The following PTPRT variants were observed in gnomAD, a reference collection of about 807,000 sequenced individuals.
The protein encoded by PTPRT is receptor-type tyrosine-protein phosphatase T.
PTPRT carries 56 observed loss-of-function variants against 176.8 expected under a neutral mutation model. The observed-to-expected ratio is 0.32, with a 90% confidence interval of 0.26 to 0.40. The LOEUF is 0.40. Among genes scored for constraint, PTPRT ranks in the 10% least tolerant of loss-of-function variants. PTPRT has a pLI of 1.00. For synonymous variants in PTPRT, 783 were observed against 739.0 expected (o/e 1.06, Z -0.96); for missense variants, 1,540 against 1,908.2 (o/e 0.81, Z 3.60).
intron 2 of PTPRT, among the ~76,000 whole-genome samples, chr20:42,854,919 T>C (rs2078535488): frequency 6.6e-6 from 1 of 152,220 alleles, no homozygotes. Context: ...AATCATCTTC[T>C]AAAAACCTAA....
rs1982814162 is a variant in PTPRT at position 42,076,777 on chromosome 20, G to C, written c.*4102C>G. 1 of 201,294 alleles carries C rather than the reference G, an allele frequency of 5.0e-6. No individual in the cohort carries two copies. The highest frequency in any genetic ancestry group is 1.0e-5 in the Non-Finnish European group (1 of 97,970). The allele number at this position is 201,294 out of a possible 1,614,324, so 12.5% of individuals were successfully genotyped here. The stretch of plus-strand genomic sequence containing the variant: ...CATAGAGTCATATTAAAACCAACAA[G>C]GCTAAATCAGAAAGTGGAATGCAAA... On this transcript the variant is annotated 3_prime_UTR_variant, in exon 31 of 31. Transcript: ENST00000373187.
At chr20:43,009,264 T>C (rs1010016768) in intron 1 of PTPRT, among the ~76,000 whole-genome samples, 3 of 152,184 alleles carry the variant, frequency 2.0e-5, no homozygotes, top group African/African-American at 7.2e-5. Flanking sequence ...TATTCAATCA[T>C]TTACCCACTC....
intron 5 of PTPRT, among the ~76,000 whole-genome samples, chr20:42,770,797 G>A (rs563565297): frequency 3.7e-4 from 56 of 152,240 alleles, no homozygotes; most frequent in African/African-American, 1.3e-3. Context: ...AAAAGACAAA[G>A]TTTGTTAGAG....
intron 9 of PTPRT, among the ~76,000 whole-genome samples, chr20:42,428,880 G>A (rs1197391711): frequency 6.6e-6 from 1 of 152,114 alleles, no homozygotes; most frequent in East Asian, 1.9e-4. Context: ...GCCAAGGCTA[G>A]ATCCAGACCT....
At chr20:43,184,366 T>G (rs978650101) in intron 1 of PTPRT, among the ~76,000 whole-genome samples, 7 of 152,154 alleles carry the variant, frequency 4.6e-5, no homozygotes, top group Non-Finnish European at 1.0e-4. Flanking sequence ...AAGGACTAAC[T>G]GAAATAATGC....
chr20:42,350,003 C>T (rs182773452), intron 11 of PTPRT, among the ~76,000 whole-genome samples: 1 of 152,248 alleles, frequency 6.6e-6, no homozygotes, highest in East Asian at 1.9e-4. Context: ...GACCAGTCCC[C>T]AGGTCTTGTC....
chr20:42,191,241 A>G (rs1990990579), intron 16 of PTPRT, among the ~76,000 whole-genome samples: 1 of 152,008 alleles, frequency 6.6e-6, no homozygotes, highest in South Asian at 2.1e-4. Flanking sequence ...AACAGAACAG[A>G]CAAAATGTAA....
At chr20:42,910,745 A>G (rs1333941428) in intron 1 of PTPRT, among the ~76,000 whole-genome samples, 2 of 152,202 alleles carry the variant, frequency 1.3e-5, no homozygotes, top group Non-Finnish European at 2.9e-5. Flanking sequence ...GGAACACAAA[A>G]TCTTCTTTGA....
At chr20:42,295,067 T>A (rs1434100109) in intron 12 of PTPRT, among the ~76,000 whole-genome samples, 3 of 152,062 alleles carry the variant, frequency 2.0e-5, no homozygotes, top group Non-Finnish European at 4.4e-5. Context: ...TTTATGACAA[T>A]AACCCAAGAA....
chr20:42,558,997 T>C (rs1446372637), intron 7 of PTPRT, among the ~76,000 whole-genome samples: 2 of 152,186 alleles, frequency 1.3e-5, no homozygotes, highest in African/African-American at 4.8e-5. Context: ...GTGTGAGTTT[T>C]CTGGGTGAAC....
chr20:43,136,993 A>G (rs1281769375), intron 1 of PTPRT, among the ~76,000 whole-genome samples: 1 of 152,174 alleles, frequency 6.6e-6, no homozygotes, highest in Non-Finnish European at 1.5e-5. Flanking sequence ...AGTGTTTGGC[A>G]GGAGAACTAA....
chr20:42,981,672 A>T (rs1390596911), intron 1 of PTPRT, among the ~76,000 whole-genome samples: 1 of 152,216 alleles, frequency 6.6e-6, no homozygotes, highest in African/African-American at 2.4e-5. Context: ...CACATGAGAG[A>T]ACCCAGCAGA....
intron 2 of PTPRT, among the ~76,000 whole-genome samples, chr20:42,850,238 A>G (rs1437837141): frequency 6.6e-6 from 1 of 152,216 alleles, no homozygotes; most frequent in African/African-American, 2.4e-5. Context: ...TTGAACCTGT[A>G]TAGTGTAGGC....
At chr20:42,597,253 C>T (rs1412149895) in intron 7 of PTPRT, among the ~76,000 whole-genome samples, 1 of 152,150 alleles carries the variant, frequency 6.6e-6, no homozygotes, top group Non-Finnish European at 1.5e-5. Flanking sequence ...TAGGTCAGGA[C>T]CACTCAAAAT....
At chr20:42,190,025 A>T (rs1227147553) in intron 16 of PTPRT, among the ~76,000 whole-genome samples, 1 of 152,204 alleles carries the variant, frequency 6.6e-6, no homozygotes, top group East Asian at 1.9e-4. Context: ...GTTGCCAGGA[A>T]CTTAATAAGT....
intron 2 of PTPRT, among the ~76,000 whole-genome samples, chr20:42,874,659 T>C (rs1284373956): frequency 1.3e-5 from 2 of 152,232 alleles, no homozygotes; most frequent in Admixed American, 6.5e-5. Flanking sequence ...CTCCATTTAC[T>C]GTAACTCACT....
At chr20:42,348,475 T>C (rs922709120) in intron 11 of PTPRT, among the ~76,000 whole-genome samples, 7 of 152,066 alleles carry the variant, frequency 4.6e-5, no homozygotes, top group East Asian at 1.9e-4. Context: ...TATAGTAAAA[T>C]GAGTGTTGGC....
At chr20:42,916,098 A>G (rs1204566597) in intron 1 of PTPRT, among the ~76,000 whole-genome samples, 1 of 150,466 alleles carries the variant, frequency 6.6e-6, no homozygotes, top group Non-Finnish European at 1.5e-5. Context: ...ATATCTTTTA[A>G]TGCTATCCCT....
At chr20:42,809,861 A>G (rs75580987) in intron 2 of PTPRT, among the ~76,000 whole-genome samples, 9,421 of 152,168 alleles carry the variant, frequency 0.062, 396 homozygotes, top group East Asian at 0.14. Flanking sequence ...TTTTTTCTAC[A>G]TAAGGTCACA....
Sources: gnomAD v4.1 joint callset for allele counts (sites outside exome capture counted in the v4.1 genomes callset) on GRCh38, gnomAD v4.1.1 for gene constraint, MANE v1.5 for transcripts, NCBI Gene and HGNC (gene_info 2026-07-23, HGNC 2026-07-21) for gene names.